The following COPG2 variants were observed in gnomAD, a reference collection of about 807,000 sequenced individuals.
COPG2 encodes the protein coat protein complex I subunit gamma 2.
A neutral mutation model predicts 46.3 loss-of-function variants in COPG2; 37 were observed. The observed-to-expected ratio is 0.80, with a 90% CI of 0.61 to 1.05. COPG2 has a LOEUF of 1.05. Ranked by LOEUF, COPG2 falls within the 50% of genes least tolerant of loss-of-function variation. COPG2 has a pLI of 0.00. For synonymous variants in COPG2, 159 were observed against 129.7 expected, an observed-to-expected ratio of 1.23 and a Z score of -1.53; for missense variants, 427 against 387.8, an observed-to-expected ratio of 1.10 and a Z score of -0.85.
At chr7:130,599,134 G>C (rs534550133) in intron 9 of COPG2, among the ~76,000 whole-genome samples, 1 of 152,252 alleles carries the variant, frequency 6.6e-6, no homozygotes, top group South Asian at 2.1e-4. Flanking sequence ...ATAGAAAACT[G>C]TCCTCCTCCC....
chr7:130,517,586 T>C (rs1211681214), intron 20 of COPG2, among the ~76,000 whole-genome samples: 4 of 152,180 alleles, frequency 2.6e-5, no homozygotes, highest in Non-Finnish European at 5.9e-5. Flanking sequence ...GTATTGACCA[T>C]TTAGGGAGGG....
chr7:130,536,594 G>A (rs979475807), intron 20 of COPG2, among the ~76,000 whole-genome samples: 6 of 152,224 alleles, frequency 3.9e-5, no homozygotes, highest in African/African-American at 1.4e-4. Flanking sequence ...ACTGGTGGAC[G>A]CGGGAGGATG....
At chr7:130,629,663 T>A (rs1385992529) in intron 5 of COPG2, among the ~76,000 whole-genome samples, 1 of 152,138 alleles carries the variant, frequency 6.6e-6, no homozygotes, top group African/African-American at 2.4e-5. Flanking sequence ...CCCAAAGTGC[T>A]GGGATTACAA....
At chr7:130,616,522 G>A (rs1358292469) in intron 6 of COPG2, among the ~76,000 whole-genome samples, 2 of 152,080 alleles carry the variant, frequency 1.3e-5, no homozygotes, top group East Asian at 1.9e-4. Flanking sequence ...CCCGGGAGGC[G>A]GAGGTTGCAG....
At chr7:130,578,544 T>G (rs1381061947) in intron 9 of COPG2, among the ~76,000 whole-genome samples, 6 of 150,474 alleles carry the variant, frequency 4.0e-5, no homozygotes, top group Non-Finnish European at 9.0e-5. Flanking sequence ...ACGATCAAAT[T>G]ACTCTGAGCT....
chr7:130,601,634 G>A (rs1265585043), intron 9 of COPG2, among the ~76,000 whole-genome samples: 8 of 152,104 alleles, frequency 5.3e-5, no homozygotes, highest in Non-Finnish European at 1.0e-4. Flanking sequence ...ATGGACACAA[G>A]GAGAGGAACA....
rs117399903 is a variant in COPG2 at position 130,627,473 on chromosome 7, A to T, written c.324-10408T>A. Among the ~76,000 whole-genome samples the T allele has an allele frequency of 1.1e-4, 17 of 152,212 alleles. No homozygotes were observed. The East Asian group carries it at 3.3e-3, about 29-fold the overall frequency. On this transcript the variant is annotated intron_variant, in intron 5 of 23. Coordinates refer to ENST00000425248, the MANE Select transcript of COPG2 (RefSeq NM_012133.6). The stretch of plus-strand genomic sequence containing the variant: ...AGCACAGCAAGAGCACCATCCTATA[A>T]AATCCCAGGCAAGCCTTTGTCTCCC...
intron 18 of COPG2, among the ~76,000 whole-genome samples, chr7:130,549,077 T>A (rs1164043988): frequency 6.6e-6 from 1 of 151,702 alleles, no homozygotes; most frequent in Non-Finnish European, 1.5e-5. Flanking sequence ...ATACTTATTT[T>A]ACAATGAGTT....
chr7:130,645,123 T>A, intron 5 of COPG2: 1 of 424,000 alleles, frequency 2.4e-6, no homozygotes, highest in Non-Finnish European at 4.6e-6. Flanking sequence ...TTCAGGTGAC[T>A]GGAAAAAGCA....
chr7:130,536,078 G>A (rs1799876982), intron 20 of COPG2, among the ~76,000 whole-genome samples: 1 of 152,034 alleles, frequency 6.6e-6, no homozygotes, highest in South Asian at 2.1e-4. Flanking sequence ...TGAGTGCCTG[G>A]GAGTCATATT....
intron 9 of COPG2, among the ~76,000 whole-genome samples, chr7:130,581,438 A>C (rs1584982331): frequency 7.0e-6 from 1 of 143,666 alleles, no homozygotes; most frequent in Admixed American, 7.1e-5. Flanking sequence ...AACTGGCACA[A>C]GACAGGGATG....
chr7:130,525,799 G>T (rs928352416), intron 20 of COPG2, among the ~76,000 whole-genome samples: 1 of 152,118 alleles, frequency 6.6e-6, no homozygotes, highest in East Asian at 1.9e-4. Flanking sequence ...TGGGGTGTTT[G>T]GTGCTGGAGT....
chr7:130,655,205 T>C (rs1354472290), intron 4 of COPG2, among the ~76,000 whole-genome samples: 1 of 152,196 alleles, frequency 6.6e-6, no homozygotes, highest in East Asian at 1.9e-4. Flanking sequence ...TTAAATAGTA[T>C]TGAACTCTAT....
chr7:130,646,941 ACG>A (rs1234280862), intron 5 of COPG2, among the ~76,000 whole-genome samples: 9 of 132,650 alleles, frequency 6.8e-5, no homozygotes, highest in Admixed American at 2.2e-4. Flanking sequence ...ATATATATAT[ACG>A]TATATATATA....
At chr7:130,612,069 T>G (rs1794858867) in intron 8 of COPG2, 83 bp downstream of exon 8, 6 of 943,900 alleles carry the variant, frequency 6.4e-6, no homozygotes, top group Non-Finnish European at 1.0e-5. Flanking sequence ...AATGTTTATC[T>G]AGGGAATCGA....
intron 9 of COPG2, among the ~76,000 whole-genome samples, chr7:130,576,229 T>C (rs191306237): frequency 1.3e-5 from 2 of 152,222 alleles, no homozygotes; most frequent in East Asian, 1.9e-4. Context: ...ACTTAACAAA[T>C]ATATAGAACA....
At chr7:130,614,978 CT>C (rs540787529) in intron 6 of COPG2, among the ~76,000 whole-genome samples, 1 of 152,162 alleles carries the variant, frequency 6.6e-6, no homozygotes, top group Non-Finnish European at 1.5e-5. Context: ...ATGTCCCTGA[CT>C]ATCCATTATT....
Position 130,550,563 on chromosome 7 carries a change from T to A in COPG2, c.1735A>T (p.Ile579Phe). Reference protein sequence around the residue: ...PSEKPFDMKSIPLAMAPVFEQ... With the variant: ...PSEKPFDMKSFPLAMAPVFEQ... ...AAGACAGGAGCCATAGCAAGAGGAA[T>A]TGATTTCATGTCAAACGGTTTTTCT... The change falls in exon 17 of 24, where the codon ATT becomes TTT. Residue 579 changes from isoleucine (I) to phenylalanine (F), a missense_variant. By Grantham distance (21) the Ile-to-Phe change is conservative. Coordinates refer to ENST00000425248, the MANE Select transcript of COPG2 (RefSeq NM_012133.6). The A allele has an allele frequency of 2.5e-6, 1 of 398,328 alleles. No homozygotes were observed. Among genetic ancestry groups the A allele is most frequent in the Non-Finnish European group, 4.4e-6 (1 of 225,916 alleles). 24.7% of individuals were successfully genotyped at this position (398,328 alleles called of 1,614,324 possible).
chr7:130,606,824 T>A (rs958706984), intron 9 of COPG2, among the ~76,000 whole-genome samples: 13 of 152,254 alleles, frequency 8.5e-5, no homozygotes, highest in African/African-American at 3.1e-4. Flanking sequence ...CATATTTATA[T>A]CCTCCAGGTT....
Sources: allele counts gnomAD v4.1 joint callset (sites outside exome capture counted in the v4.1 genomes callset), GRCh38; gene constraint gnomAD v4.1.1; transcripts MANE v1.5; gene names NCBI Gene and HGNC (gene_info 2026-07-23, HGNC 2026-07-21).